Variants in NTNG1 observed in about 807,000 individuals in gnomAD.
NTNG1 encodes netrin-G1.
Under a neutral mutation model 54.0 loss-of-function variants are expected in NTNG1, and 16 were observed. The ratio of observed to expected loss-of-function variants is 0.30; its 90% CI spans 0.20 to 0.45. NTNG1 has a LOEUF of 0.45. NTNG1 is among the 20% of genes least tolerant of loss of function. The pLI is 1.00. For synonymous variants in NTNG1, 255 were observed against 263.1 expected (o/e 0.97, Z 0.30); for missense variants, 530 against 678.7 (o/e 0.78, Z 2.43).
chr1:107,147,986 G>A (rs943914288), intron 1 of NTNG1, 83 bp from the exon 2 acceptor site: 2 of 152,434 alleles, frequency 1.3e-5, no homozygotes, highest in African/African-American at 2.4e-5. Flanking sequence ...TATTGCATCA[G>A]ACCTCCAAAA....
rs543133118 is a variant in NTNG1 at position 107,220,552 on chromosome 1, A to T, written c.246+71713A>T. Among the ~76,000 whole-genome samples the T allele has an allele frequency of 1.7e-4, 26 of 152,340 alleles. No individual in the cohort carries two copies. The South Asian group carries it at 5.4e-3, about 32-fold the overall frequency. On this transcript the variant is annotated intron_variant, in intron 2 of 7. Transcript: ENST00000370068. The stretch of plus-strand genomic sequence containing the variant: ...GCATGGCATAGAGGTTAAGAGAATG[A>T]TCTCTGAAGTCTGACTACCTGCCAG...
intron 3 of NTNG1, among the ~76,000 whole-genome samples, chr1:107,355,331 G>A (rs1339618224): frequency 2.0e-5 from 3 of 150,312 alleles, no homozygotes; most frequent in Non-Finnish European, 4.4e-5. Context: ...TCTCACATAA[G>A]GCAGTAGTTT....
At chr1:107,196,791 A>C (rs946838882) in intron 2 of NTNG1, among the ~76,000 whole-genome samples, 3 of 152,018 alleles carry the variant, frequency 2.0e-5, no homozygotes, top group Non-Finnish European at 4.4e-5. Flanking sequence ...ATTTTAGATA[A>C]AATAAAGATA....
intron 3 of NTNG1, among the ~76,000 whole-genome samples, chr1:107,355,027 T>C (rs1361874042): frequency 6.6e-6 from 1 of 152,222 alleles, no homozygotes; most frequent in Non-Finnish European, 1.5e-5. Flanking sequence ...TGAGTTTCTC[T>C]CTACATGAAA....
Position 107,204,618 on chromosome 1 carries a change from G to A in NTNG1, c.246+55779G>A, listed in dbSNP as rs554221345. On this transcript the variant is annotated intron_variant, in intron 2 of 7. Coordinates refer to ENST00000370068, the MANE Select transcript of NTNG1 (RefSeq NM_001113226.3). ...TCAAGGATAATAATTGATACCAGGT[G>A]AAGCAGAAGAATCACTCAGCTGAAA... is the stretch of plus-strand genomic sequence containing the variant. 2.0e-5 allele frequency among the ~76,000 whole-genome samples: 3 copies of A among 152,236 alleles called. No homozygotes were observed. In the East Asian group the frequency reaches 5.8e-4, roughly 29 times the overall value.
At chr1:107,176,804 G>T (rs538375300) in intron 2 of NTNG1, among the ~76,000 whole-genome samples, 17 of 151,894 alleles carry the variant, frequency 1.1e-4, no homozygotes, top group East Asian at 5.8e-4. Flanking sequence ...GCTTAGTTTG[G>T]TGTCTTTTTA....
chr1:107,257,451 G>C (rs917478024), intron 2 of NTNG1, among the ~76,000 whole-genome samples: 1 of 152,058 alleles, frequency 6.6e-6, no homozygotes, highest in Non-Finnish European at 1.5e-5. Context: ...CCTCAACTTC[G>C]CAGTCAGCTC....
intron 7 of NTNG1, among the ~76,000 whole-genome samples, chr1:107,470,466 T>C (rs139147869): frequency 1.7e-4 from 26 of 152,330 alleles, no homozygotes; most frequent in African/African-American, 5.8e-4. Flanking sequence ...GTACAATTGA[T>C]TGTAGTATTT....
intron 4 of NTNG1, among the ~76,000 whole-genome samples, chr1:107,396,212 A>G (rs1057041671): frequency 6.6e-6 from 1 of 152,200 alleles, no homozygotes; most frequent in African/African-American, 2.4e-5. Context: ...GACAGTGAGC[A>G]CAGGAGAATC....
At chr1:107,369,901 T>C (rs1193238328) in intron 3 of NTNG1, among the ~76,000 whole-genome samples, 1 of 152,160 alleles carries the variant, frequency 6.6e-6, no homozygotes, top group Non-Finnish European at 1.5e-5. Flanking sequence ...TTTGAATTAA[T>C]TTTTGTAAGC....
At chr1:107,167,638 T>C (rs1655906148) in intron 2 of NTNG1, among the ~76,000 whole-genome samples, 1 of 151,876 alleles carries the variant, frequency 6.6e-6, no homozygotes, top group African/African-American at 2.4e-5. Context: ...TAATAAAAAA[T>C]AGTTGTGAGA....
At chr1:107,303,027 T>G (rs1666420362) in intron 2 of NTNG1, among the ~76,000 whole-genome samples, 1 of 152,230 alleles carries the variant, frequency 6.6e-6, no homozygotes. Flanking sequence ...AGCCATCAAA[T>G]ACTGTAGTAA....
chr1:107,344,496 A>G (rs1030580815), intron 3 of NTNG1, among the ~76,000 whole-genome samples: 14 of 152,178 alleles, frequency 9.2e-5, no homozygotes, highest in Non-Finnish European at 1.9e-4. Flanking sequence ...GCAGAATCCT[A>G]TGGGGCCTCC....
At chr1:107,376,811 C>T (rs1421140148) in intron 3 of NTNG1, among the ~76,000 whole-genome samples, 1 of 152,126 alleles carries the variant, frequency 6.6e-6, no homozygotes, top group Non-Finnish European at 1.5e-5. Flanking sequence ...TTTGCTGCCC[C>T]CCCAGCCACC....
At chr1:107,416,868 C>A (rs1674242412) in intron 5 of NTNG1, among the ~76,000 whole-genome samples, 1 of 151,992 alleles carries the variant, frequency 6.6e-6, no homozygotes, top group African/African-American at 2.4e-5. Flanking sequence ...ATGGAGAAAG[C>A]TAGTTAACCG....
At chr1:107,190,399 G>A (rs1412232785) in intron 2 of NTNG1, among the ~76,000 whole-genome samples, 1 of 152,002 alleles carries the variant, frequency 6.6e-6, no homozygotes, top group East Asian at 1.9e-4. Flanking sequence ...GAGTTCTTGA[G>A]CATCTTTTTG....
intron 2 of NTNG1, among the ~76,000 whole-genome samples, chr1:107,263,147 G>A (rs1326600498): frequency 6.6e-6 from 1 of 152,116 alleles, no homozygotes; most frequent in Non-Finnish European, 1.5e-5. Flanking sequence ...TTTGAAATGT[G>A]GTAAATCTCA....
intron 4 of NTNG1, 35 bp from the exon 5 acceptor site, chr1:107,407,647 T>A: frequency 6.4e-7 from 1 of 1,551,014 alleles, no homozygotes; most frequent in Non-Finnish European, 8.8e-7. Context: ...AATAAATAGC[T>A]AACAGCTTTT....
chr1:107,377,911 CTTGCATTATATA>C, intron 3 of NTNG1, among the ~76,000 whole-genome samples: 1 of 152,322 alleles, frequency 6.6e-6, no homozygotes, highest in East Asian at 1.9e-4. Flanking sequence ...TGGATAGGTA[CTTGCATTATATA>C]TTGCATAAAG....
Sources: allele counts gnomAD v4.1 joint callset (sites outside exome capture counted in the v4.1 genomes callset), GRCh38; gene constraint gnomAD v4.1.1; transcripts MANE v1.5; gene names NCBI Gene and HGNC (gene_info 2026-07-23, HGNC 2026-07-21).